DCAF13: variants seen among roughly 807,000 people sequenced by gnomAD.
The protein encoded by DCAF13 is DDB1- and CUL4-associated factor 13.
A neutral mutation model predicts 59.0 loss-of-function variants in DCAF13; 38 were observed. The ratio of observed to expected loss-of-function variants is 0.64; its 90% CI spans 0.50 to 0.84. DCAF13 has a LOEUF of 0.84. Ranked by LOEUF, DCAF13 falls within the 40% of genes least tolerant of loss-of-function variation. The probability of loss-of-function intolerance (pLI) is 0.00; values close to 1 mark genes in which losing one functional copy is unlikely to be tolerated. For synonymous variants in DCAF13, 173 were observed against 175.0 expected (o/e 0.99, Z 0.09); for missense variants, 469 against 558.4 (o/e 0.84, Z 1.61).
chr8:103,424,314 G>A (rs1028623623), intron 3 of DCAF13, among the ~76,000 whole-genome samples: 6 of 152,178 alleles, frequency 3.9e-5, no homozygotes, highest in Admixed American at 2.6e-4. Context: ...GGCGCGAGCC[G>A]CCATGCCCAA....
At chr8:103,441,389 C>G in intron 9 of DCAF13, 66 bp from the exon 10 acceptor site, 1 of 1,460,810 alleles carries the variant, frequency 6.8e-7, no homozygotes, top group Non-Finnish European at 9.2e-7. Context: ...AGGGTGCTTT[C>G]TAGCTTTTTT....
At chr8:103,424,329 A>G (rs1816762346) in intron 3 of DCAF13, among the ~76,000 whole-genome samples, 1 of 152,200 alleles carries the variant, frequency 6.6e-6, no homozygotes, top group Non-Finnish European at 1.5e-5. Context: ...GCCCAACCAA[A>G]AAGATATTTT....
At chr8:103,424,815 G>T (rs932044892) in intron 3 of DCAF13, among the ~76,000 whole-genome samples, 1 of 152,222 alleles carries the variant, frequency 6.6e-6, no homozygotes, top group Non-Finnish European at 1.5e-5. Context: ...CTGGTACCTA[G>T]ATTACATCTT....
chr8:103,435,357 G>T (rs188558596), intron 7 of DCAF13, among the ~76,000 whole-genome samples: 1 of 152,028 alleles, frequency 6.6e-6, no homozygotes, highest in East Asian at 1.9e-4. Context: ...GGTAATTTTT[G>T]TACTCTACTT....
intron 3 of DCAF13, among the ~76,000 whole-genome samples, chr8:103,422,170 T>C (rs1441877109): frequency 6.6e-6 from 1 of 151,984 alleles, no homozygotes; most frequent in South Asian, 2.1e-4. Flanking sequence ...TGGGAAGAGG[T>C]TGGTTCCTGT....
chr8:103,430,853 C>A (rs185258266), intron 6 of DCAF13, among the ~76,000 whole-genome samples, 164 bp downstream of exon 6: 9 of 152,108 alleles, frequency 5.9e-5, no homozygotes, highest in Non-Finnish European at 1.2e-4. Flanking sequence ...CTTTCAGCTC[C>A]CTATTGCTTT....
chr8:103,440,394 A>T (rs1413277378), intron 9 of DCAF13, 123 bp downstream of exon 9: 6 of 579,108 alleles, frequency 1.0e-5, no homozygotes, highest in Non-Finnish European at 1.5e-5. Flanking sequence ...TAGCTGTGAT[A>T]AAAAAAGCAA....
chr8:103,425,021 C>A (rs896951825), intron 3 of DCAF13, among the ~76,000 whole-genome samples: 2 of 152,186 alleles, frequency 1.3e-5, no homozygotes, highest in African/African-American at 2.4e-5. Flanking sequence ...CTTTCCTGAT[C>A]ACTTATCTGT....
rs1012663795 is a variant in DCAF13, at chr8:103,420,112, C to T, written c.71-152C>T. 2.7e-5 allele frequency: 19 copies of T among 704,118 alleles called. No individual in the cohort carries two copies. The African/African-American group carries it at 3.5e-4, about 13-fold the overall frequency. 43.6% of individuals were successfully genotyped at this position (704,118 alleles called of 1,614,324 possible). ...TTTTCCAGTAATTTCAGAAAGATTTCTGAACAACAGGTCTTCTACTTTTGT... is the reference window on the plus strand; with the variant it reads ...TTTTCCAGTAATTTCAGAAAGATTTTTGAACAACAGGTCTTCTACTTTTGT... On this transcript the variant is annotated intron_variant, in intron 1 of 10. Coordinates refer to ENST00000612750, the MANE Select transcript of DCAF13 (RefSeq NM_015420.7).
At chr8:103,417,937 G>A (rs1489049553) in intron 1 of DCAF13, among the ~76,000 whole-genome samples, 1 of 151,988 alleles carries the variant, frequency 6.6e-6, no homozygotes, top group Non-Finnish European at 1.5e-5. Context: ...GGCTAACATG[G>A]TGAAACCCCA....
At chr8:103,428,042 A>G (rs965375841) in intron 5 of DCAF13, 4 of 152,228 alleles carry the variant, frequency 2.6e-5, no homozygotes, top group Non-Finnish European at 5.9e-5. Context: ...TTTAGGTAGT[A>G]TGAGAGAAAA....
At chr8:103,438,688 C>T (rs1157421536) in intron 8 of DCAF13, among the ~76,000 whole-genome samples, 1 of 152,136 alleles carries the variant, frequency 6.6e-6, no homozygotes, top group Non-Finnish European at 1.5e-5. Context: ...AGCCACTGCA[C>T]CTTGCCTACT....
At position 103,441,602 on chromosome 8, in the gene DCAF13, G is replaced by A. The variant is rs765503657; in HGVS notation, c.1234G>A (p.Glu412Lys). The A allele has an allele frequency of 3.1e-4, 502 of 1,610,836 alleles. No homozygotes were observed. Among genetic ancestry groups the A allele is most frequent in the Non-Finnish European group, 4.2e-4 (490 of 1,179,266 alleles). The stretch of plus-strand genomic sequence containing the variant: ...GATTCAGGAACAGCGCATCATGAAA[G>A]AAGCTCGTCGACGAAAGTATGTTTT... ...SQIQEQRIMKEARRRKEVNRI... is the reference protein window; with the variant it reads ...SQIQEQRIMKKARRRKEVNRI... The change falls in exon 10 of 11, where the codon GAA (glutamate) becomes AAA (lysine). Residue 412 changes from glutamate (E) to lysine (K), a missense_variant. By Grantham distance (56) the Glu-to-Lys change is moderately conservative. Coordinates refer to ENST00000612750, the MANE Select transcript of DCAF13 (RefSeq NM_015420.7).
Position 103,441,568 on chromosome 8 carries a change from C to G in DCAF13, c.1200C>G (p.Ile400Met), listed in dbSNP as rs747433025. 6.2e-7 allele frequency: 1 copy of G among 1,609,878 alleles called. No homozygotes were observed. Among genetic ancestry groups the G allele is most frequent in the African/African-American group, 1.3e-5 (1 of 74,712 alleles). Reference sequence around the variant, plus strand: ...GTCATCGACATCTACCAAAATCTATCTATAGCCAGATTCAGGAACAGCGCA... The same window carrying G: ...GTCATCGACATCTACCAAAATCTATGTATAGCCAGATTCAGGAACAGCGCA... ...IARHRHLPKSIYSQIQEQRIM... is the reference protein window; with the variant it reads ...IARHRHLPKSMYSQIQEQRIM... Residue 400 changes from isoleucine (I) to methionine (M), a missense_variant, in exon 10 of 11, where the codon ATC (isoleucine) becomes ATG (methionine). Ile to Met is a conservative substitution (Grantham distance 10). Transcript: ENST00000612750.
chr8:103,442,549 A>T (rs1817025354), intron 10 of DCAF13: 1 of 282,068 alleles, frequency 3.5e-6, no homozygotes, highest in African/African-American at 2.2e-5. Context: ...CACTTTTAGA[A>T]ATTTTATTAA....
intron 1 of DCAF13, among the ~76,000 whole-genome samples, chr8:103,418,716 A>G (rs1816662396): frequency 1.3e-5 from 2 of 150,234 alleles, no homozygotes; most frequent in South Asian, 4.2e-4. Context: ...ATTACCAGGG[A>G]GTCAGAAAGA....
rs150914726 is a variant in DCAF13 at position 103,435,764 on chromosome 8, C to G, written c.924C>G (p.Ile308Met). Residue 308 changes from isoleucine (I) to methionine (M), a missense_variant, in exon 8 of 11, where the codon ATC becomes ATG. Transcript: ENST00000612750. The stretch of plus-strand genomic sequence containing the variant: ...CTAGTTTCGATAAATCTATTCGAAT[C>G]TTTCCTGTAGACAAAAGTCGAAGCA... ...VSASFDKSIRIFPVDKSRSRE... is the reference protein window; with the variant it reads ...VSASFDKSIRMFPVDKSRSRE... 715 of 1,613,658 alleles carry G rather than the reference C, an allele frequency of 4.4e-4. 1 individual carries two copies. The highest frequency in any genetic ancestry group is 2.9e-4 in the Non-Finnish European group (342 of 1,179,748).
intron 3 of DCAF13, among the ~76,000 whole-genome samples, chr8:103,423,497 T>C (rs1380728062): frequency 6.6e-6 from 1 of 151,992 alleles, no homozygotes. Flanking sequence ...AAAGCCAAAC[T>C]CTTAGAAATG....
chr8:103,420,218 G>A (rs1355550670), intron 1 of DCAF13, 46 bp from the exon 2 acceptor site: 1 of 1,560,092 alleles, frequency 6.4e-7, no homozygotes, highest in Non-Finnish European at 8.8e-7. Context: ...GAAGACTGCA[G>A]GAAATATTAA....
Sources: gnomAD v4.1 joint callset for allele counts (sites outside exome capture counted in the v4.1 genomes callset) on GRCh38, gnomAD v4.1.1 for gene constraint, MANE v1.5 for transcripts, NCBI Gene and HGNC (gene_info 2026-07-23, HGNC 2026-07-21) for gene names.